Variants in NAALADL2 observed in about 807,000 individuals in gnomAD.
The protein encoded by NAALADL2 is N-acetylated alpha-linked acidic dipeptidase like 2.
In NAALADL2, 76 loss-of-function variants were observed where a neutral mutation model predicts 87.2. That is an observed-to-expected ratio of 0.87 (90% confidence interval 0.72 to 1.05). The LOEUF is 1.05. Ranked by LOEUF, NAALADL2 falls within the 50% of genes least tolerant of loss-of-function variation. The probability of loss-of-function intolerance (pLI) is 0.00; values close to 1 mark genes in which losing one functional copy is unlikely to be tolerated. For missense variants in NAALADL2, 1,089 were observed against 945.8 expected (o/e 1.15, Z -1.99); for synonymous variants, 354 against 331.0 (o/e 1.07, Z -0.75).
At chr3:175,323,443 C>T (rs1314484164) in intron 4 of NAALADL2, among the ~76,000 whole-genome samples, 1 of 151,092 alleles carries the variant, frequency 6.6e-6, no homozygotes, top group Non-Finnish European at 1.5e-5. Flanking sequence ...ACATATGTAA[C>T]TAACCTGCAC....
intron 3 of NAALADL2, among the ~76,000 whole-genome samples, chr3:174,803,831 A>G (rs564518089): frequency 1.3e-5 from 2 of 151,878 alleles, no homozygotes; most frequent in Non-Finnish European, 2.9e-5. Flanking sequence ...TGGCCTATAT[A>G]TCTGTTTTGG....
chr3:175,636,410 A>G (rs1364563545), intron 11 of NAALADL2, among the ~76,000 whole-genome samples: 1 of 152,080 alleles, frequency 6.6e-6, no homozygotes, highest in Non-Finnish European at 1.5e-5. Flanking sequence ...AGAAACTTCA[A>G]GGAATCGGCG....
intron 1 of NAALADL2, among the ~76,000 whole-genome samples, chr3:175,036,891 A>G (rs1477316512): frequency 6.7e-6 from 1 of 149,688 alleles, no homozygotes; most frequent in Non-Finnish European, 1.5e-5. Context: ...TCTCCTCACC[A>G]AAAGCTGAGG....
intron 2 of NAALADL2, among the ~76,000 whole-genome samples, chr3:175,170,610 T>G (rs1734667111): frequency 6.6e-6 from 1 of 150,878 alleles, no homozygotes; most frequent in African/African-American, 2.4e-5. Flanking sequence ...CTAAATATTA[T>G]TCTATAAGTG....
chr3:175,433,937 C>T (rs1718205800), intron 5 of NAALADL2, among the ~76,000 whole-genome samples: 1 of 151,858 alleles, frequency 6.6e-6, no homozygotes, highest in Admixed American at 6.6e-5. Flanking sequence ...GGGAATTTTT[C>T]CCATGGCAAG....
chr3:175,026,525 C>T (rs993400279), intron 1 of NAALADL2, among the ~76,000 whole-genome samples: 2 of 150,342 alleles, frequency 1.3e-5, no homozygotes, highest in African/African-American at 4.9e-5. Flanking sequence ...CGTGGTGGCG[C>T]ATGCCTGTAA....
At chr3:174,805,238 C>G (rs910688692) in intron 3 of NAALADL2, among the ~76,000 whole-genome samples, 4 of 152,008 alleles carry the variant, frequency 2.6e-5, no homozygotes, top group African/African-American at 7.2e-5. Context: ...TGGGATTGGC[C>G]AAAATGTGAT....
intron 11 of NAALADL2, among the ~76,000 whole-genome samples, chr3:175,733,766 G>T (rs1466981301): frequency 7.0e-6 from 1 of 142,086 alleles, no homozygotes; most frequent in South Asian, 2.1e-4. Context: ...ATACAATGAG[G>T]TCTCAGGTAT....
At chr3:175,133,283 G>A (rs1185976545) in intron 2 of NAALADL2, among the ~76,000 whole-genome samples, 2 of 152,010 alleles carry the variant, frequency 1.3e-5, no homozygotes, top group East Asian at 1.9e-4. Context: ...GACGATGGGC[G>A]GCCAGGCAGA....
In NAALADL2 at chr3:175,488,766, T is replaced by G. The variant is rs186415347; in HGVS notation, c.1653+17008T>G. Reference sequence around the variant, plus strand: ...GAAAAGGATGCAATAAAACATAAATTTTATGAAAACGTGTTTGTACTTAGA... The same window carrying G: ...GAAAAGGATGCAATAAAACATAAATGTTATGAAAACGTGTTTGTACTTAGA... On this transcript the variant is annotated intron_variant, in intron 9 of 13. Transcript: ENST00000454872. Among the ~76,000 whole-genome samples, 559 of 152,318 alleles carry G rather than the reference T, an allele frequency of 3.7e-3. 5 individuals carry two copies. The highest frequency in any genetic ancestry group is 0.013 in the African/African-American group (541 of 41,570).
intron 1 of NAALADL2, among the ~76,000 whole-genome samples, chr3:174,948,055 C>A (rs1318488017): frequency 6.6e-6 from 1 of 151,914 alleles, no homozygotes; most frequent in Non-Finnish European, 1.5e-5. Flanking sequence ...TTAATTTTTG[C>A]CAGTTAAACC....
rs149584935 is a variant in NAALADL2, at chr3:175,153,181, C to T, written c.545+55890C>T. 2.2e-3 allele frequency among the ~76,000 whole-genome samples: 329 copies of T among 152,252 alleles called. 1 individual carries two copies. Among genetic ancestry groups the T allele is most frequent in the Non-Finnish European group, 4.0e-3 (275 of 68,022 alleles). Reference sequence around the variant, plus strand: ...CTGACATTTTTCTTGCTGAATTGCTCAAAACCTTAAAGGTTTACATGTTTC... The same window carrying T: ...CTGACATTTTTCTTGCTGAATTGCTTAAAACCTTAAAGGTTTACATGTTTC... On this transcript the variant is annotated intron_variant, in intron 2 of 13. Transcript: ENST00000454872.
At chr3:174,913,814 A>C (rs1304005143) in intron 1 of NAALADL2, among the ~76,000 whole-genome samples, 1 of 152,066 alleles carries the variant, frequency 6.6e-6, no homozygotes, top group Non-Finnish European at 1.5e-5. Flanking sequence ...GTGTATTGAA[A>C]ATTTTAAATT....
At chr3:175,080,015 G>T (rs147264037) in intron 1 of NAALADL2, among the ~76,000 whole-genome samples, 3,136 of 151,256 alleles carry the variant, frequency 0.021, 119 homozygotes, top group African/African-American at 0.072. Flanking sequence ...ACCCAGGCTA[G>T]AGTGCAGTGG....
chr3:174,469,786 T>C (rs974657992), intron 1 of NAALADL2, among the ~76,000 whole-genome samples: 6 of 152,098 alleles, frequency 3.9e-5, no homozygotes, highest in African/African-American at 1.4e-4. Context: ...TGGAGGTTTG[T>C]GTATGTGTGT....
intron 2 of NAALADL2, among the ~76,000 whole-genome samples, chr3:175,135,007 T>C (rs1055032539): frequency 6.6e-6 from 1 of 152,206 alleles, no homozygotes; most frequent in African/African-American, 2.4e-5. Context: ...AGTTTTGCCC[T>C]TTTTTACTTT....
intron 3 of NAALADL2, among the ~76,000 whole-genome samples, chr3:174,785,923 G>T (rs1012613102): frequency 2.6e-5 from 4 of 152,008 alleles, no homozygotes; most frequent in Admixed American, 2.0e-4. Context: ...ATTAGAGCAG[G>T]TTATTCTCAG....
At chr3:174,928,701 T>C (rs1285814803) in intron 1 of NAALADL2, among the ~76,000 whole-genome samples, 1 of 152,178 alleles carries the variant, frequency 6.6e-6, no homozygotes, top group Non-Finnish European at 1.5e-5. Context: ...GGTCATCACA[T>C]TATAAAGTAT....
At chr3:175,602,080 A>G (rs546439919) in intron 10 of NAALADL2, among the ~76,000 whole-genome samples, 1 of 152,274 alleles carries the variant, frequency 6.6e-6, no homozygotes, top group East Asian at 1.9e-4. Context: ...TTATGTGTGT[A>G]GGGAGTTTTT....
Sources: gnomAD v4.1 joint callset for allele counts (sites outside exome capture counted in the v4.1 genomes callset) on GRCh38, gnomAD v4.1.1 for gene constraint, MANE v1.5 for transcripts, NCBI Gene and HGNC (gene_info 2026-07-23, HGNC 2026-07-21) for gene names.